Variants in COBLL1 observed in about 807,000 individuals in gnomAD.
COBLL1 encodes the protein cordon-bleu protein-like 1.
A neutral mutation model predicts 94.8 loss-of-function variants in COBLL1; 50 were observed. The ratio of observed to expected loss-of-function variants is 0.53; its 90% CI spans 0.42 to 0.67. The LOEUF is 0.67. Ranked by LOEUF, COBLL1 falls within the 30% of genes least tolerant of loss-of-function variation. COBLL1 has a pLI of 0.00. For synonymous variants in COBLL1, 448 were observed against 473.8 expected, an observed-to-expected ratio of 0.95 and a Z score of 0.71; for missense variants, 1,362 against 1,348.7, an observed-to-expected ratio of 1.01 and a Z score of -0.15.
intron 1 of COBLL1, among the ~76,000 whole-genome samples, chr2:164,672,261 T>G (rs1691253323): frequency 6.6e-6 from 1 of 152,228 alleles, no homozygotes; most frequent in Admixed American, 6.5e-5. Flanking sequence ...ATGACAAGTG[T>G]CTGTCCCTTC....
At chr2:164,705,683 T>C (rs539426568) in intron 7 of COBLL1, among the ~76,000 whole-genome samples, 116 of 152,286 alleles carry the variant, frequency 7.6e-4, no homozygotes, top group Admixed American at 2.4e-3. Flanking sequence ...CTTTGCTCTT[T>C]GCCTTTACCA....
rs1683092348 is a variant in COBLL1 at position 164,682,700 on chromosome 2, C to A, written c.*3246G>T. Reference sequence around the variant, plus strand: ...GTAACTTTAAAAGATGAATTGCCTGCCGTTTTTAAAATAAGGTTCATTTTT... The same window carrying A: ...GTAACTTTAAAAGATGAATTGCCTGACGTTTTTAAAATAAGGTTCATTTTT... On this transcript the variant is annotated 3_prime_UTR_variant, in exon 14 of 14. Coordinates refer to ENST00000652658, the MANE Select transcript of COBLL1 (RefSeq NM_001365672.2). The A allele has an allele frequency of 1.3e-5, 2 of 151,988 alleles. No homozygotes were observed. Among genetic ancestry groups the A allele is most frequent in the South Asian group, 4.1e-4 (2 of 4,820 alleles). The allele number at this position is 151,988 out of a possible 1,614,324, so 9.4% of individuals were successfully genotyped here. A position where few individuals can be genotyped will look rare whatever the true frequency, so the allele number is the denominator to read the frequency against.
At chr2:164,710,714 C>G (rs995818376) in intron 7 of COBLL1, among the ~76,000 whole-genome samples, 7 of 152,112 alleles carry the variant, frequency 4.6e-5, no homozygotes, top group Admixed American at 3.3e-4. Context: ...CAGGCAGCCA[C>G]CACCATGCCT....
intron 2 of COBLL1, among the ~76,000 whole-genome samples, chr2:164,835,508 T>G (rs1481836635): frequency 6.6e-6 from 1 of 152,084 alleles, no homozygotes; most frequent in Non-Finnish European, 1.5e-5. Flanking sequence ...AATGGGGAAG[T>G]TATTGTTTAA....
At chr2:164,791,934 T>G (rs758426347) in intron 2 of COBLL1, among the ~76,000 whole-genome samples, 8 of 151,906 alleles carry the variant, frequency 5.3e-5, no homozygotes, top group Admixed American at 2.0e-4. Context: ...AAAAACTGAC[T>G]GATCATACAC....
intron 2 of COBLL1, among the ~76,000 whole-genome samples, chr2:164,784,941 C>T (rs1249846583): frequency 6.6e-6 from 1 of 151,892 alleles, no homozygotes; most frequent in Non-Finnish European, 1.5e-5. Context: ...GGAGGTGGGG[C>T]CTAATGAGAG....
At chr2:164,794,412 T>C (rs1428746891) in intron 2 of COBLL1, among the ~76,000 whole-genome samples, 1 of 152,068 alleles carries the variant, frequency 6.6e-6, no homozygotes, top group African/African-American at 2.4e-5. Flanking sequence ...TGGTAAAAAC[T>C]GTCAGAAGTA....
chr2:164,701,899 G>C (rs933431684), intron 9 of COBLL1, among the ~76,000 whole-genome samples: 2 of 151,034 alleles, frequency 1.3e-5, no homozygotes, highest in African/African-American at 4.9e-5. Flanking sequence ...TGGTGGGAGG[G>C]GGGGGCGGGG....
At chr2:164,806,164 A>T (rs1485711735) in intron 2 of COBLL1, among the ~76,000 whole-genome samples, 1 of 152,158 alleles carries the variant, frequency 6.6e-6, no homozygotes, top group Admixed American at 6.5e-5. Context: ...GAAGGAAAAA[A>T]AAAAACTCCA....
At chr2:164,712,752 G>GT (rs1404509540) in intron 7 of COBLL1, among the ~76,000 whole-genome samples, 1 of 141,646 alleles carries the variant, frequency 7.1e-6, no homozygotes, top group Non-Finnish European at 1.5e-5. Flanking sequence ...TAAGCTGTGA[G>GT]TTTTTATCAC....
At chr2:164,692,943 A>G (rs1683692628) in intron 12 of COBLL1, among the ~76,000 whole-genome samples, 1 of 152,166 alleles carries the variant, frequency 6.6e-6, no homozygotes, top group Non-Finnish European at 1.5e-5. Flanking sequence ...CTAAGTGCTA[A>G]TCATGTTTTA....
At chr2:164,722,621 C>T in intron 5 of COBLL1, 99 bp from the exon 6 acceptor site, 2 of 581,208 alleles carry the variant, frequency 3.4e-6, no homozygotes, top group Non-Finnish European at 6.0e-6. Flanking sequence ...TTATCTAATG[C>T]TAAAAGCTAC....
intron 1 of COBLL1, among the ~76,000 whole-genome samples, chr2:164,666,620 A>G (rs965942155): frequency 2.0e-5 from 3 of 152,242 alleles, no homozygotes; most frequent in African/African-American, 4.8e-5. Flanking sequence ...GACTTCTTTC[A>G]AAATTTGAGT....
chr2:164,796,666 T>C (rs1158536980), intron 2 of COBLL1, among the ~76,000 whole-genome samples: 2 of 141,146 alleles, frequency 1.4e-5, no homozygotes, highest in African/African-American at 5.5e-5. Flanking sequence ...TCCTATAAAA[T>C]TTAATGGTGG....
At chr2:164,829,176 T>A (rs1044560613) in intron 2 of COBLL1, among the ~76,000 whole-genome samples, 2 of 152,208 alleles carry the variant, frequency 1.3e-5, no homozygotes, top group African/African-American at 2.4e-5. Flanking sequence ...CAATCAGATA[T>A]GGTACTTTTG....
At chr2:164,776,120 A>C (rs1574566392) in intron 2 of COBLL1, among the ~76,000 whole-genome samples, 8 of 136,460 alleles carry the variant, frequency 5.9e-5, no homozygotes, top group East Asian at 2.3e-4. Context: ...GTCCTTTCCC[A>C]CTCCACCCTG....
chr2:164,768,512 A>G (rs577580938), intron 2 of COBLL1, among the ~76,000 whole-genome samples: 39 of 152,198 alleles, frequency 2.6e-4, no homozygotes, highest in African/African-American at 7.0e-4. Context: ...AAGCCAAAAG[A>G]TTGGACACCT....
intron 1 of COBLL1, among the ~76,000 whole-genome samples, chr2:164,669,409 C>T (rs1489936347): frequency 6.6e-6 from 1 of 152,218 alleles, no homozygotes. Flanking sequence ...TAGAGTTTGG[C>T]TTGTCCACTT....
chr2:164,804,366 GCTT>G (rs1574619846), intron 2 of COBLL1, among the ~76,000 whole-genome samples: 2 of 151,826 alleles, frequency 1.3e-5, no homozygotes, highest in African/African-American at 4.8e-5. Flanking sequence ...ATTCATGCGT[GCTT>G]TTTTTAAAAA....
Sources: allele counts gnomAD v4.1 joint callset (sites outside exome capture counted in the v4.1 genomes callset), GRCh38; gene constraint gnomAD v4.1.1; transcripts MANE v1.5; gene names NCBI Gene and HGNC (gene_info 2026-07-23, HGNC 2026-07-21).